Variants in CFAP44 observed in about 807,000 individuals in gnomAD.
CFAP44 encodes the protein cilia and flagella associated protein 44.
A neutral mutation model predicts 216.2 loss-of-function variants in CFAP44; 134 were observed. That is an observed-to-expected ratio of 0.62 (90% CI 0.54 to 0.72). The LOEUF (loss-of-function observed/expected upper bound fraction) is 0.72, where lower values mean the gene tolerates loss of function less well. Ranked by LOEUF, CFAP44 falls within the 30% of genes least tolerant of loss-of-function variation. The pLI, the probability that CFAP44 is intolerant of heterozygous loss-of-function variation, is 0.00. For synonymous variants in CFAP44, 700 were observed against 727.6 expected, an observed-to-expected ratio of 0.96 and a Z score of 0.61; for missense variants, 2,035 against 2,182.1, an observed-to-expected ratio of 0.93 and a Z score of 1.34.
chr3:113,437,267 CTTTTCAGTCTT>C (rs139222287), intron 1 of CFAP44, among the ~76,000 whole-genome samples: 2,686 of 152,240 alleles, frequency 0.018, 89 homozygotes, highest in African/African-American at 0.061. Context: ...TCACTTTCTA[CTTTTCAGTCTT>C]TTTTCTGAAT....
chr3:113,306,186 A>C lies in CFAP44; in HGVS notation c.4758+15T>G. The C allele has an allele frequency of 6.5e-7, 1 of 1,533,402 alleles. No individual in the cohort carries two copies. Among genetic ancestry groups the C allele is most frequent in the Non-Finnish European group, 8.7e-7 (1 of 1,145,704 alleles). The allele number at this position is 1,533,402 out of a possible 1,614,324, so 95.0% of individuals were successfully genotyped here. On this transcript the variant is annotated intron_variant, in intron 30 of 34. Coordinates refer to ENST00000393845, the MANE Select transcript of CFAP44 (RefSeq NM_001164496.2). ...AGCATTTTGAGAGGATAAATAAGTAAACAGATCACCATACTTTTTTTGACA... is the reference window on the plus strand; with the variant it reads ...AGCATTTTGAGAGGATAAATAAGTACACAGATCACCATACTTTTTTTGACA...
intron 5 of CFAP44, among the ~76,000 whole-genome samples, chr3:113,418,459 T>C (rs1251752461): frequency 6.6e-6 from 1 of 152,168 alleles, no homozygotes; most frequent in Non-Finnish European, 1.5e-5. Flanking sequence ...AGGTTCACCC[T>C]ACCTTTTCCA....
chr3:113,302,457 TAAAAAAAAAAAAAA>T (rs60866565), intron 32 of CFAP44, among the ~76,000 whole-genome samples: 1 of 75,812 alleles, frequency 1.3e-5, no homozygotes, highest in African/African-American at 4.3e-5. Flanking sequence ...CTAGACAAAG[TAAAAAAAAAAAAAA>T]AAAAAAAAAG....
chr3:113,332,702 C>G (rs544197985), intron 25 of CFAP44, among the ~76,000 whole-genome samples: 86 of 152,158 alleles, frequency 5.7e-4, no homozygotes, highest in African/African-American at 1.9e-3. Flanking sequence ...TCAGAATGAT[C>G]AGGATGATTG....
At chr3:113,416,450 T>A (rs1335242286) in intron 6 of CFAP44, 75 bp downstream of exon 6, 6 of 1,195,914 alleles carry the variant, frequency 5.0e-6, no homozygotes, top group African/African-American at 1.5e-5. Flanking sequence ...CCTTGACTTA[T>A]GAAATAATGT....
intron 10 of CFAP44, 99 bp from the exon 11 acceptor site, chr3:113,401,386 A>C: frequency 8.0e-7 from 1 of 1,244,664 alleles, no homozygotes; most frequent in Non-Finnish European, 1.1e-6. Context: ...ACAAGCAATA[A>C]TATCAAAAGC....
At chr3:113,355,318 A>G (rs1317091889) in intron 22 of CFAP44, among the ~76,000 whole-genome samples, 1 of 152,176 alleles carries the variant, frequency 6.6e-6, no homozygotes, top group African/African-American at 2.4e-5. Flanking sequence ...CAAGAGTTCA[A>G]TATCAACCTG....
chr3:113,352,409 G>A (rs965365527), intron 22 of CFAP44, among the ~76,000 whole-genome samples: 3 of 152,144 alleles, frequency 2.0e-5, no homozygotes, highest in Non-Finnish European at 4.4e-5. Flanking sequence ...ACCTTTAAGA[G>A]CTGTAAACAC....
At chr3:113,355,064 C>T (rs1950481220) in intron 22 of CFAP44, among the ~76,000 whole-genome samples, 1 of 152,086 alleles carries the variant, frequency 6.6e-6, no homozygotes, top group African/African-American at 2.4e-5. Flanking sequence ...TCTGCTGGGA[C>T]CCAGGGGAAA....
chr3:113,441,496 C>G (rs1463169879), upstream of CFAP44: 29 of 985,440 alleles, frequency 2.9e-5, no homozygotes, highest in Non-Finnish European at 3.5e-5. Flanking sequence ...CAGCGTCTGC[C>G]GGAGGCCTCC....
intron 22 of CFAP44, among the ~76,000 whole-genome samples, chr3:113,354,982 A>C (rs543614493): frequency 1.3e-5 from 2 of 152,320 alleles, no homozygotes; most frequent in South Asian, 4.1e-4. Context: ...CCATGGCTTC[A>C]AGACCTGAAG....
At chr3:113,373,636 A>C in intron 17 of CFAP44, 80 bp from the exon 18 acceptor site, 2 of 1,225,310 alleles carry the variant, frequency 1.6e-6, no homozygotes, top group Non-Finnish European at 1.1e-6. Context: ...TGATTATTTC[A>C]AATTTGAAAA....
At chr3:113,302,632 GC>G (rs543118774) in intron 32 of CFAP44, among the ~76,000 whole-genome samples, 135 of 151,090 alleles carry the variant, frequency 8.9e-4, no homozygotes, top group African/African-American at 3.1e-3. Context: ...GTGGTGGCAG[GC>G]GCCTGTAATC....
rs1161536921 is a variant in CFAP44, at chr3:113,303,996, T to C, written c.4997A>G (p.Gln1666Arg). 3.9e-6 allele frequency: 6 copies of C among 1,537,626 alleles called. No homozygotes were observed. The highest frequency in any genetic ancestry group is 4.4e-6 in the Non-Finnish European group (5 of 1,147,028). The change falls in exon 32 of 35, where the codon CAG (glutamine) becomes CGG (arginine). Residue 1666 changes from glutamine (Q) to arginine (R), a missense_variant. Coordinates refer to ENST00000393845, the MANE Select transcript of CFAP44 (RefSeq NM_001164496.2). Reference sequence around the variant, plus strand: ...TCTCCATTCTTTGTTAAGTTTTTGCTGCTTGGAATTTTCCTCCTGGAGCTC... The same window carrying C: ...TCTCCATTCTTTGTTAAGTTTTTGCCGCTTGGAATTTTCCTCCTGGAGCTC... ...IHELQEENSK[Q>R]QKLNKEWRER...
intron 18 of CFAP44, among the ~76,000 whole-genome samples, chr3:113,369,612 C>T (rs1226582999): frequency 1.3e-5 from 2 of 152,066 alleles, no homozygotes; most frequent in Admixed American, 1.3e-4. Flanking sequence ...ACTAAATGCC[C>T]GCAAGAGAAA....
intron 15 of CFAP44, among the ~76,000 whole-genome samples, chr3:113,393,065 T>C (rs907424831): frequency 6.6e-6 from 1 of 152,162 alleles, no homozygotes; most frequent in Non-Finnish European, 1.5e-5. Flanking sequence ...GGACGCACCC[T>C]TACCAGAACC....
At chr3:113,355,981 A>C (rs1950489581) in intron 22 of CFAP44, among the ~76,000 whole-genome samples, 1 of 150,952 alleles carries the variant, frequency 6.6e-6, no homozygotes, top group South Asian at 2.1e-4. Context: ...CAATTATTAT[A>C]ATGTATTCTT....
At chr3:113,330,105 G>T in intron 26 of CFAP44, 63 bp downstream of exon 26, 1 of 1,442,294 alleles carries the variant, frequency 6.9e-7, no homozygotes, top group South Asian at 1.5e-5. Context: ...CAAAAAACCC[G>T]ACCCAATTTT....
intron 19 of CFAP44, among the ~76,000 whole-genome samples, chr3:113,364,216 T>C (rs1185431004): frequency 9.2e-5 from 14 of 152,144 alleles, no homozygotes; most frequent in Non-Finnish European, 2.1e-4. Context: ...AGGAGAATTA[T>C]AACCCAGTGA....
Sources: allele counts gnomAD v4.1 joint callset (sites outside exome capture counted in the v4.1 genomes callset), GRCh38; gene constraint gnomAD v4.1.1; transcripts MANE v1.5; gene names NCBI Gene and HGNC (gene_info 2026-07-23, HGNC 2026-07-21).